The following SCUBE2 variants were observed in gnomAD, a reference collection of about 807,000 sequenced individuals.
SCUBE2 encodes the protein signal peptide, CUB domain and EGF like domain containing 2, also known as signal peptide, CUB and EGF-like domain-containing protein 2.
In SCUBE2, 114 loss-of-function variants were observed where a neutral mutation model predicts 125.9. That is an observed-to-expected ratio of 0.91 (90% CI 0.78 to 1.06). The LOEUF is 1.06. Ranked by LOEUF, SCUBE2 falls within the 50% of genes least tolerant of loss-of-function variation. The probability of loss-of-function intolerance (pLI) is 0.00; values close to 1 mark genes in which losing one functional copy is unlikely to be tolerated. For synonymous variants in SCUBE2, 459 were observed against 492.9 expected, an observed-to-expected ratio of 0.93 and a Z score of 0.91; for missense variants, 1,255 against 1,301.8, an observed-to-expected ratio of 0.96 and a Z score of 0.55.
At chr11:9,065,396 T>C (rs1860113498) in intron 7 of SCUBE2, among the ~76,000 whole-genome samples, 1 of 152,160 alleles carries the variant, frequency 6.6e-6, no homozygotes, top group Admixed American at 6.5e-5. Context: ...CCTGCCACCT[T>C]GTGAAGAAGG....
chr11:9,024,208 T>C, intron 21 of SCUBE2: 1 of 1,085,842 alleles, frequency 9.2e-7, no homozygotes, highest in Non-Finnish European at 1.1e-6. Flanking sequence ...AAAGGCAGAG[T>C]TGAGAACAGC....
In SCUBE2 at chr11:9,053,668, G is replaced by C. The variant is rs752926144; in HGVS notation, c.1299C>G (p.Tyr433Ter). ...GSYECQCHPG[Y>*]KLHWNKKDCV... ...AGTCTTTTTTATTCCAGTGGAGCTT[G>C]TACCCAGGGTGGCACTGGCATTCAT... The change falls in exon 11 of 23, where the codon TAC (tyrosine) becomes TAG (stop). Residue 433 changes from tyrosine (Y) to a stop codon, truncating the protein, a stop_gained. Transcript: ENST00000649792. LOFTEE classifies it high-confidence loss of function. 5 of 1,614,126 alleles carry C rather than the reference G, an allele frequency of 3.1e-6. No individual in the cohort carries two copies.
intron 8 of SCUBE2, chr11:9,059,698 T>C (rs1859468465): frequency 4.5e-6 from 2 of 441,816 alleles, no homozygotes; most frequent in Non-Finnish European, 4.1e-6. Context: ...GAAAGAATGA[T>C]GACGTCCTGT....
rs1243221882 is a variant in SCUBE2 at position 9,021,055 on chromosome 11, G to C, written c.3077C>G (p.Pro1026Arg). 1.2e-6 allele frequency: 2 copies of C among 1,612,950 alleles called. No individual in the cohort carries two copies. The highest frequency in any genetic ancestry group is 2.7e-5 in the African/African-American group (2 of 74,856). The change falls in exon 23 of 23, where the codon CCT (proline) becomes CGT (arginine). Residue 1026 changes from proline (P) to arginine (R), a missense_variant. This residue lies in a region of SCUBE2 where 515 missense variants were observed against 515.7 expected (regional missense o/e 1.00). Transcript: ENST00000649792. Reference protein sequence around the residue: ...LRSKVSRFLRPYK With the variant: ...LRSKVSRFLRRYK ...GGCACGTGGGCTGAGTCATTTGTAAGGTCTCAAAAACCTGGACACTTTGGA... is the reference window on the plus strand; with the variant it reads ...GGCACGTGGGCTGAGTCATTTGTAACGTCTCAAAAACCTGGACACTTTGGA...
intron 3 of SCUBE2, 70 bp downstream of exon 3, chr11:9,079,314 G>C (rs1447145903): frequency 1.3e-6 from 2 of 1,584,540 alleles, no homozygotes; most frequent in South Asian, 1.1e-5. Flanking sequence ...TTCATGAGGA[G>C]GTCTTCACCA....
At chr11:9,054,600 CGA>C (rs1858810707) in intron 10 of SCUBE2, among the ~76,000 whole-genome samples, 1 of 150,192 alleles carries the variant, frequency 6.7e-6, no homozygotes, top group Non-Finnish European at 1.5e-5. Context: ...TACATTTCCT[CGA>C]GGTTTCCTGA....
intron 17 of SCUBE2, among the ~76,000 whole-genome samples, chr11:9,032,772 C>A (rs969591000): frequency 2.0e-5 from 3 of 152,158 alleles, no homozygotes. Context: ...AGGGTAAATT[C>A]ATGCCAAAAT....
rs149203158 is a variant in SCUBE2 at position 9,089,728 on chromosome 11, C to T, written c.235G>A (p.Gly79Arg). The T allele has an allele frequency of 6.8e-5, 109 of 1,613,836 alleles. 1 individual carries two copies. Among genetic ancestry groups the T allele is most frequent in the South Asian group, 5.3e-4 (48 of 91,032 alleles). Residue 79 changes from glycine to arginine, a missense_variant, in exon 2 of 23, where the codon GGG becomes AGG. By Grantham distance (125) the Gly-to-Arg change is moderately radical. Around this residue, in one of 3 missense-constraint regions of SCUBE2, gnomAD observed 362 missense variants for 323.0 expected, o/e 1.12. Transcript: ENST00000649792. Reference sequence around the variant, plus strand: ...TTACCCTCACACTGCCTGCCTTCCCCTTGGTAGCCAGGCTTGCAGGAGCAC... The same window carrying T: ...TTACCCTCACACTGCCTGCCTTCCCTTTGGTAGCCAGGCTTGCAGGAGCAC... The part of the protein sequence containing the change: ...YKCSCKPGYQ[G>R]EGRQCEDIDE...
intron 2 of SCUBE2, among the ~76,000 whole-genome samples, chr11:9,085,408 A>G (rs568633148): frequency 6.6e-6 from 1 of 152,344 alleles, no homozygotes; most frequent in East Asian, 1.9e-4. Context: ...ATTTAAAATT[A>G]TGTCCAAATA....
chr11:9,061,836 G>C (rs1290556288), intron 7 of SCUBE2, among the ~76,000 whole-genome samples: 1 of 152,196 alleles, frequency 6.6e-6, no homozygotes, highest in Admixed American at 6.5e-5. Context: ...AGTCTGCAGA[G>C]GGGGTGCCAA....
intron 2 of SCUBE2, among the ~76,000 whole-genome samples, chr11:9,084,511 T>C (rs1375273283): frequency 7.7e-6 from 1 of 130,208 alleles, no homozygotes; most frequent in Non-Finnish European, 1.6e-5. Flanking sequence ...CCCTAAGAAA[T>C]GTATCTATTG....
chr11:9,090,476 TA>T (rs768815946), intron 1 of SCUBE2: 5 of 49,180 alleles, frequency 1.0e-4, no homozygotes, highest in Admixed American at 6.9e-4. Flanking sequence ...ATTTTTTTTT[TA>T]TTTATTTATT....
intron 10 of SCUBE2, among the ~76,000 whole-genome samples, chr11:9,054,702 T>TCA (rs1858835201): frequency 4.5e-5 from 2 of 44,576 alleles, no homozygotes; most frequent in African/African-American, 1.3e-4. Flanking sequence ...AGCACTAGTG[T>TCA]ATATATATAT....
intron 4 of SCUBE2, 91 bp downstream of exon 4, chr11:9,074,390 G>T: frequency 8.0e-6 from 12 of 1,495,138 alleles, no homozygotes; most frequent in Non-Finnish European, 9.1e-6. Flanking sequence ...TATACCCTGT[G>T]CTTCCCCTCT....
chr11:9,070,824 A>G (rs1860728880), intron 4 of SCUBE2, among the ~76,000 whole-genome samples: 1 of 152,226 alleles, frequency 6.6e-6, no homozygotes. Flanking sequence ...GGGTTAATAT[A>G]TCCCATACTT....
In SCUBE2 at chr11:9,021,315, C is replaced by T. The variant is rs548973145; in HGVS notation, c.2935-118G>A. On this transcript the variant is annotated intron_variant, in intron 22 of 22. Coordinates refer to ENST00000649792, the MANE Select transcript of SCUBE2 (RefSeq NM_001367977.2). ...AGCTTGCTTAGCTGAAAAACACTTG[C>T]AAAAATTGTTTCCTCTGATTTTTAT... is the stretch of plus-strand genomic sequence containing the variant. The T allele has an allele frequency of 3.6e-5, 27 of 755,794 alleles. No individual in the cohort carries two copies. The East Asian group carries it at 8.2e-4, about 23-fold the overall frequency. 46.8% of individuals were successfully genotyped at this position (755,794 alleles called of 1,614,324 possible). A position where few individuals can be genotyped will look rare whatever the true frequency, so the allele number is the denominator to read the frequency against.
At chr11:9,028,543 G>A (rs1423782702) in intron 19 of SCUBE2, among the ~76,000 whole-genome samples, 1 of 152,218 alleles carries the variant, frequency 6.6e-6, no homozygotes, top group Non-Finnish European at 1.5e-5. Context: ...AAATGAGAAA[G>A]ACACAGTCTT....
Position 9,074,524 on chromosome 11 carries a change from A to G in SCUBE2, c.474T>C (p.Phe158=). 1.9e-6 allele frequency: 3 copies of G among 1,614,120 alleles called. No homozygotes were observed. Among genetic ancestry groups the G allele is most frequent in the Non-Finnish European group, 2.5e-6 (3 of 1,180,026 alleles). ...GSYECCCKEG[F]FLSDNQHTCI... ...AGGTGTGCTGATTGTCACTCAGGAA[A>G]AACCCCTCCTTGCAGCAGCACTCAT... is the stretch of plus-strand genomic sequence containing the variant. The change falls in exon 4 of 23, where the codon TTT becomes TTC. Residue 158 remains phenylalanine, a synonymous_variant. Transcript: ENST00000649792.
At position 9,047,559 on chromosome 11, in the gene SCUBE2, G is replaced by A; in HGVS notation, c.1799C>T (p.Ser600Phe). Residue 600 changes from serine to phenylalanine, a missense_variant, in exon 16 of 23, where the codon TCT (serine) becomes TTT (phenylalanine). Coordinates refer to ENST00000649792, the MANE Select transcript of SCUBE2 (RefSeq NM_001367977.2). Reference sequence around the variant, plus strand: ...CTTTACGATGCAGCTCAGGTCACAAGAAGCTACAGAAACAAGAGGGACAGC... The same window carrying A: ...CTTTACGATGCAGCTCAGGTCACAAAAAGCTACAGAAACAAGAGGGACAGC... ...LETNQKEVTA[S>F]CDLSCIVKRT... 1 of 1,613,940 alleles carries A rather than the reference G, an allele frequency of 6.2e-7. No homozygotes were observed. The highest frequency in any genetic ancestry group is 1.3e-5 in the African/African-American group (1 of 74,996).
Sources: allele counts gnomAD v4.1 joint callset (sites outside exome capture counted in the v4.1 genomes callset), GRCh38; gene constraint gnomAD v4.1.1; regional missense constraint gnomAD v4.1.1; transcripts MANE v1.5; gene names NCBI Gene and HGNC (gene_info 2026-07-23, HGNC 2026-07-21).